Variants in SIN3A observed in about 807,000 individuals in gnomAD.
SIN3A encodes the protein SIN3 transcription regulator family member A, also known as paired amphipathic helix protein Sin3a.
A neutral mutation model predicts 146.1 loss-of-function variants in SIN3A; 14 were observed. The ratio of observed to expected loss-of-function variants is 0.10; its 90% CI spans 0.06 to 0.15. The LOEUF is 0.15. Ranked by LOEUF, SIN3A falls within the 10% of genes least tolerant of loss-of-function variation. The probability of loss-of-function intolerance (pLI) is 1.00; values close to 1 mark genes in which losing one functional copy is unlikely to be tolerated. For missense variants in SIN3A, 1,028 were observed against 1,576.0 expected (o/e 0.65, Z 5.89); for synonymous variants, 572 against 572.0 (o/e 1.00, Z 0.00).
chr15:75,392,851 T>C (rs1019413293), intron 14 of SIN3A, 36 bp from the exon 15 acceptor site: 2 of 1,443,466 alleles, frequency 1.4e-6, no homozygotes, highest in Non-Finnish European at 1.9e-6. Context: ...TTCTGTGAGA[T>C]GTCTACAGCG....
chr15:75,409,675 C>T (rs1487634137), intron 8 of SIN3A, among the ~76,000 whole-genome samples, 161 bp downstream of exon 8: 4 of 151,300 alleles, frequency 2.6e-5, no homozygotes, highest in African/African-American at 9.7e-5. Flanking sequence ...TGCAGTGAGC[C>T]GAGATCGTGC....
chr15:75,427,360 G>A (rs949964962), intron 2 of SIN3A, among the ~76,000 whole-genome samples: 6 of 150,480 alleles, frequency 4.0e-5, no homozygotes, highest in East Asian at 4.0e-4. Context: ...GCGACAGAGC[G>A]AGACACCATC....
intron 1 of SIN3A, among the ~76,000 whole-genome samples, chr15:75,430,876 C>A (rs776399254): frequency 1.8e-4 from 28 of 151,940 alleles, no homozygotes; most frequent in African/African-American, 6.8e-4. Context: ...CCCGGGTTCA[C>A]GCCATTCTCC....
Position 75,371,742 on chromosome 15 carries a change from C to A in SIN3A, c.*237G>T. On this transcript the variant is annotated 3_prime_UTR_variant, in exon 21 of 21. Transcript: ENST00000394947. Reference sequence around the variant, plus strand: ...GGACTTCCTTCCCCTCCAGGGCAGGCTATACCCAAAACCCTTTGGGAAAAG... The same window carrying A: ...GGACTTCCTTCCCCTCCAGGGCAGGATATACCCAAAACCCTTTGGGAAAAG... The A allele has an allele frequency of 1.9e-6, 1 of 527,898 alleles. No homozygotes were observed. The highest frequency in any genetic ancestry group is 3.4e-6 in the Non-Finnish European group (1 of 297,522). The allele number at this position is 527,898 out of a possible 1,614,324, so 32.7% of individuals were successfully genotyped here. A position where few individuals can be genotyped will look rare whatever the true frequency, so the allele number is the denominator to read the frequency against.
intron 1 of SIN3A, among the ~76,000 whole-genome samples, chr15:75,444,132 G>A (rs1286198994): frequency 6.6e-6 from 1 of 152,152 alleles, no homozygotes; most frequent in East Asian, 1.9e-4. Flanking sequence ...CGATGTACAA[G>A]TGGTAATAGC....
At chr15:75,376,928 A>G (rs1405608835) in intron 19 of SIN3A, among the ~76,000 whole-genome samples, 1 of 151,794 alleles carries the variant, frequency 6.6e-6, no homozygotes, top group African/African-American at 2.4e-5. Context: ...TTTGTATACA[A>G]GTATTTCTGT....
chr15:75,420,360 G>A (rs2073819751), intron 3 of SIN3A: 1 of 151,880 alleles, frequency 6.6e-6, no homozygotes, highest in African/African-American at 2.4e-5. Flanking sequence ...TAATGTGTAA[G>A]CATTCTCACT....
upstream of SIN3A, among the ~76,000 whole-genome samples, chr15:75,454,190 C>T (rs1015509076): frequency 4.6e-5 from 7 of 152,144 alleles, no homozygotes; most frequent in South Asian, 2.1e-4. Flanking sequence ...ACTTAAACTC[C>T]AGCCCGGCCT....
chr15:75,453,580 C>G (rs890813616), upstream of SIN3A: 9 of 152,446 alleles, frequency 5.9e-5, no homozygotes, highest in African/African-American at 9.6e-5. Context: ...GCTAAGATCT[C>G]GCCTAAGGGC....
intron 1 of SIN3A, among the ~76,000 whole-genome samples, chr15:75,449,177 G>GA (rs1387400614): frequency 4.6e-5 from 7 of 152,246 alleles, no homozygotes; most frequent in East Asian, 3.9e-4. Context: ...TATGGCATCA[G>GA]AAAAAACCAC....
intron 8 of SIN3A, among the ~76,000 whole-genome samples, chr15:75,408,242 AG>A (rs1463773002): frequency 6.6e-6 from 1 of 152,218 alleles, no homozygotes; most frequent in East Asian, 1.9e-4. Context: ...GTATCTACTG[AG>A]CTGATTCTTG....
chr15:75,431,246 C>T (rs1000769181), intron 1 of SIN3A, among the ~76,000 whole-genome samples: 3 of 152,160 alleles, frequency 2.0e-5, no homozygotes, highest in African/African-American at 7.2e-5. Flanking sequence ...CAACAAGTTC[C>T]TCATTCTATG....
chr15:75,395,769 G>A (rs1444960090), intron 13 of SIN3A, among the ~76,000 whole-genome samples: 1 of 152,086 alleles, frequency 6.6e-6, no homozygotes, highest in Admixed American at 6.6e-5. Context: ...GCTGGGTGTG[G>A]TGGCACATTC....
intron 1 of SIN3A, among the ~76,000 whole-genome samples, chr15:75,440,879 G>A (rs1456291645): frequency 2.6e-5 from 4 of 151,634 alleles, no homozygotes; most frequent in Non-Finnish European, 5.9e-5. Flanking sequence ...CTGCTCGGGA[G>A]GCTGAGGCAG....
intron 2 of SIN3A, among the ~76,000 whole-genome samples, chr15:75,429,357 A>G (rs1183395958): frequency 6.6e-6 from 1 of 152,160 alleles, no homozygotes; most frequent in Non-Finnish European, 1.5e-5. Context: ...CAAGAGTTTG[A>G]GGCTGCAGTG....
intron 14 of SIN3A, 22 bp from the exon 15 acceptor site, chr15:75,392,837 A>T: frequency 3.2e-6 from 5 of 1,542,346 alleles, no homozygotes; most frequent in Non-Finnish European, 4.4e-6. Context: ...GAGACACAAA[A>T]GTATTCTGTG....
At chr15:75,454,206 T>C (rs1484753430), upstream of SIN3A, among the ~76,000 whole-genome samples, 1 of 151,738 alleles carries the variant, frequency 6.6e-6, no homozygotes. Flanking sequence ...GGCCTCCCGA[T>C]AGGCGGAGCT....
chr15:75,378,359 G>A (rs1399797257), intron 19 of SIN3A, among the ~76,000 whole-genome samples: 1 of 152,196 alleles, frequency 6.6e-6, no homozygotes, highest in Admixed American at 6.5e-5. Flanking sequence ...GAGGTCAGGA[G>A]TTCAAGACCA....
In SIN3A at chr15:75,400,107, G is replaced by C; in HGVS notation, c.1787C>G (p.Thr596Ser). 6.2e-7 allele frequency: 1 copy of C among 1,612,204 alleles called. No homozygotes were observed. The highest frequency in any genetic ancestry group is 8.5e-7 in the Non-Finnish European group (1 of 1,178,298). Reference sequence around the variant, plus strand: ...TTGAGTCTTCTTGGAACTCACAAAGGTAGAGTCCTCAGACCACGAAGGGAA... The same window carrying C: ...TTGAGTCTTCTTGGAACTCACAAAGCTAGAGTCCTCAGACCACGAAGGGAA... ...VSFPSWSEDSTFVSSKKTQYE... is the reference protein window; with the variant it reads ...VSFPSWSEDSSFVSSKKTQYE... Residue 596 changes from threonine to serine, a missense_variant, in exon 12 of 21, where the codon ACC becomes AGC. By Grantham distance (58) the Thr-to-Ser change is moderately conservative (BLOSUM62 1). Coordinates refer to ENST00000394947, the MANE Select transcript of SIN3A (RefSeq NM_001145358.2).
Sources: allele counts gnomAD v4.1 joint callset (sites outside exome capture counted in the v4.1 genomes callset), GRCh38; gene constraint gnomAD v4.1.1; transcripts MANE v1.5; gene names NCBI Gene and HGNC (gene_info 2026-07-23, HGNC 2026-07-21).